The following PLCZ1 variants were observed in gnomAD, a reference collection of about 807,000 sequenced individuals.
PLCZ1 encodes phospholipase C zeta 1.
In PLCZ1, 64 loss-of-function variants were observed where a neutral mutation model predicts 76.8. That is an observed-to-expected ratio of 0.83 (90% CI 0.68 to 1.03). The LOEUF (loss-of-function observed/expected upper bound fraction) is 1.03, where lower values mean the gene tolerates loss of function less well. Among genes scored for constraint, PLCZ1 ranks in the 50% least tolerant of loss-of-function variants. PLCZ1 has a pLI of 0.00. For missense variants in PLCZ1, 751 were observed against 713.7 expected, an observed-to-expected ratio of 1.05 and a Z score of -0.60; for synonymous variants, 248 against 230.8, an observed-to-expected ratio of 1.07 and a Z score of -0.68.
At chr12:18,652,811 TCTCCAGAG>T in the PLCZ1 span, among the ~76,000 whole-genome samples, 1 of 152,118 alleles carries the variant, frequency 6.6e-6, no homozygotes, top group Non-Finnish European at 1.5e-5. Flanking sequence ...AATTATTATG[TCTCCAGAG>T]AGTAGTAACA....
intron 7 of PLCZ1, among the ~76,000 whole-genome samples, chr12:18,702,855 C>G (rs982617244): frequency 1.5e-5 from 2 of 129,724 alleles, no homozygotes; most frequent in African/African-American, 5.9e-5. Flanking sequence ...GAGTCTCACT[C>G]TGTCACCCAG....
At chr12:18,683,114 G>T (rs1952585469), downstream of PLCZ1, 4 of 829,330 alleles carry the variant, frequency 4.8e-6, no homozygotes, top group Non-Finnish European at 7.8e-6. Flanking sequence ...AAGTGAATGG[G>T]CTCAATATTT....
At chr12:18,674,109 C>T in the PLCZ1 span, among the ~76,000 whole-genome samples, 1 of 152,062 alleles carries the variant, frequency 6.6e-6, no homozygotes, top group African/African-American at 2.4e-5. Flanking sequence ...AGAATAAAAT[C>T]GAAAGACAAA....
chr12:18,693,011 C>T, intron 12 of PLCZ1: 1 of 1,415,774 alleles, frequency 7.1e-7, no homozygotes, highest in Non-Finnish European at 1.0e-6. Flanking sequence ...AGGAAGAATT[C>T]ATTAGAAATC....
chr12:18,652,217 G>A, the PLCZ1 span, among the ~76,000 whole-genome samples: 4 of 152,094 alleles, frequency 2.6e-5, no homozygotes, highest in East Asian at 7.7e-4. Flanking sequence ...AGGTCATATG[G>A]AGTGAGGTGG....
chr12:18,727,752 G>T (rs1958833939), intron 3 of PLCZ1, among the ~76,000 whole-genome samples: 2 of 152,162 alleles, frequency 1.3e-5, no homozygotes, highest in Admixed American at 1.3e-4. Context: ...GTTCTAGAAA[G>T]ATTACTCTGG....
intron 3 of PLCZ1, 31 bp downstream of exon 3, chr12:18,736,190 T>C (rs1378395503): frequency 2.5e-6 from 4 of 1,607,536 alleles, no homozygotes; most frequent in Non-Finnish European, 3.4e-6. Flanking sequence ...CCACCTAGGA[T>C]AGGATAGGCA....
intron 3 of PLCZ1, among the ~76,000 whole-genome samples, chr12:18,732,365 T>C (rs1727439241): frequency 6.6e-6 from 1 of 152,168 alleles, no homozygotes; most frequent in Non-Finnish European, 1.5e-5. Context: ...TTGTACAGAC[T>C]GGTCTCGAAC....
the PLCZ1 span, among the ~76,000 whole-genome samples, chr12:18,667,565 C>G: frequency 8.5e-5 from 13 of 152,086 alleles, no homozygotes; most frequent in East Asian, 1.4e-3. Flanking sequence ...TCTATTTTTA[C>G]TTGAGATCCT....
the PLCZ1 span, among the ~76,000 whole-genome samples, chr12:18,652,574 T>TA: frequency 6.6e-6 from 1 of 152,122 alleles, no homozygotes; most frequent in Non-Finnish European, 1.5e-5. Context: ...ACTAATATAT[T>TA]GGGTCATCAT....
At chr12:18,659,094 G>A in the PLCZ1 span, among the ~76,000 whole-genome samples, 4 of 152,126 alleles carry the variant, frequency 2.6e-5, no homozygotes, top group African/African-American at 9.6e-5. Flanking sequence ...TAGGGCAGAA[G>A]GGAAGACACA....
In PLCZ1 at chr12:18,693,135, C is replaced by A. The variant is rs968906721; in HGVS notation, c.1461+1775G>T. The A allele has an allele frequency of 2.0e-6, 3 of 1,510,990 alleles. No homozygotes were observed. The African/African-American group carries it at 4.1e-5, about 21-fold the overall frequency. The allele number at this position is 1,510,990 out of a possible 1,614,324, so 93.6% of individuals were successfully genotyped here. A position where few individuals can be genotyped will look rare whatever the true frequency, so the allele number is the denominator to read the frequency against. On this transcript the variant is annotated intron_variant, in intron 12 of 14. Transcript: ENST00000266505. ...CTTGGAAGAGATCATTGATGACAAT[C>A]ATGCCATCGTGTCTACATCTGTGGG...
intron 14 of PLCZ1, chr12:18,683,642 A>C (rs1952656846): frequency 2.2e-6 from 3 of 1,364,122 alleles, no homozygotes; most frequent in Non-Finnish European, 2.9e-6. Context: ...CTGTTAGAAA[A>C]GTAAGCATAT....
rs962897102 is a variant in PLCZ1 at position 18,727,161 on chromosome 12, T to C, written c.136-3619A>G. ...GAGTTCGAGATCACCCTGGGCAACA[T>C]AGTGAGACCCTGTCTCTAAATGTAA... On this transcript the variant is annotated intron_variant, in intron 3 of 14. Transcript: ENST00000266505. Among the ~76,000 whole-genome samples the C allele has an allele frequency of 9.4e-4, 143 of 151,646 alleles. 3 individuals carry two copies. The highest frequency in any genetic ancestry group is 5.0e-4 in the Non-Finnish European group (34 of 67,918).
Position 18,737,396 on chromosome 12 carries a change from T to C in PLCZ1, c.-25A>G. 2.5e-6 allele frequency: 4 copies of C among 1,613,814 alleles called. No homozygotes were observed. The highest frequency in any genetic ancestry group is 3.4e-6 in the Non-Finnish European group (4 of 1,179,724). Reference sequence around the variant, plus strand: ...TAGTTTCATGACCTGTAGAGCCGTTTCTCCTCACTTAGAAGTCTTTCCCCA... The same window carrying C: ...TAGTTTCATGACCTGTAGAGCCGTTCCTCCTCACTTAGAAGTCTTTCCCCA... On this transcript the variant is annotated 5_prime_UTR_variant, in exon 2 of 15. Transcript: ENST00000266505.
Position 18,701,691 on chromosome 12 carries a change from C to G in PLCZ1, c.949+1G>C. ...TTCTTCTTCCCATTCCTCCACCTTA[C>G]CACGCTTATCAGAACCTTTTCTTTC... is the stretch of plus-strand genomic sequence containing the variant. On this transcript the variant is annotated splice_donor_variant, in intron 8 of 14. Coordinates refer to ENST00000266505, the MANE Select transcript of PLCZ1 (RefSeq NM_033123.4). LOFTEE classifies it high-confidence loss of function. 1.2e-6 allele frequency: 2 copies of G among 1,609,912 alleles called. No homozygotes were observed. Among genetic ancestry groups the G allele is most frequent in the Non-Finnish European group, 1.7e-6 (2 of 1,177,848 alleles).
chr12:18,665,826 T>C, the PLCZ1 span, among the ~76,000 whole-genome samples: 1 of 151,788 alleles, frequency 6.6e-6, no homozygotes. Context: ...TCCCAGGTAC[T>C]TGGGAGGCTG....
At chr12:18,650,708 ATATC>A in the PLCZ1 span, among the ~76,000 whole-genome samples, 548 of 7,694 alleles carry the variant, frequency 0.071, 59 homozygotes, top group Non-Finnish European at 0.098. Context: ...GTGTGTGTAT[ATATC>A]TATATATATA....
intron 7 of PLCZ1, among the ~76,000 whole-genome samples, chr12:18,702,519 T>C (rs887664261): frequency 6.6e-6 from 1 of 152,164 alleles, no homozygotes; most frequent in East Asian, 1.9e-4. Context: ...GGAGCTTTGA[T>C]TGTCCTTTCT....
Sources: allele counts gnomAD v4.1 joint callset (sites outside exome capture counted in the v4.1 genomes callset), GRCh38; gene constraint gnomAD v4.1.1; transcripts MANE v1.5; gene names NCBI Gene and HGNC (gene_info 2026-07-23, HGNC 2026-07-21).